Variants in TGM1 observed in about 807,000 individuals in gnomAD.
TGM1 encodes transglutaminase 1, also known as protein-glutamine gamma-glutamyltransferase K.
In TGM1, 63 loss-of-function variants were observed where a neutral mutation model predicts 88.7. The observed-to-expected ratio is 0.71, with a 90% CI of 0.58 to 0.88. The LOEUF (loss-of-function observed/expected upper bound fraction) is 0.88, where lower values mean the gene tolerates loss of function less well. TGM1 is among the 40% of genes least tolerant of loss of function. The pLI is 0.00. For missense variants in TGM1, 996 were observed against 1,118.0 expected (o/e 0.89, Z 1.56); for synonymous variants, 415 against 431.1 (o/e 0.96, Z 0.46).
At chr14:24,251,705 C>T (rs908174209) in intron 14 of TGM1, among the ~76,000 whole-genome samples, 1 of 152,230 alleles carries the variant, frequency 6.6e-6, no homozygotes, top group Non-Finnish European at 1.5e-5. Context: ...GACTCTTCTT[C>T]AGAGCCATTT....
intron 9 of TGM1, among the ~76,000 whole-genome samples, chr14:24,258,080 T>C (rs2040770789): frequency 6.6e-6 from 1 of 152,212 alleles, no homozygotes; most frequent in African/African-American, 2.4e-5. Flanking sequence ...TATAAATAAG[T>C]AAAATGTAGG....
At chr14:24,250,319 G>A (rs1039786863) in intron 14 of TGM1, among the ~76,000 whole-genome samples, 2 of 151,958 alleles carry the variant, frequency 1.3e-5, no homozygotes, top group Admixed American at 6.5e-5. Flanking sequence ...GTCCTCTAAC[G>A]GGACTCCTTG....
chr14:24,250,179 T>TGTGTCAGAGA (rs138497842), intron 14 of TGM1, among the ~76,000 whole-genome samples: 1 of 140,700 alleles, frequency 7.1e-6, no homozygotes, highest in African/African-American at 2.7e-5. Flanking sequence ...TGTGTGTGTG[T>TGTGTCAGAGA]GAGAGAGACA....
intron 13 of TGM1, 106 bp from the exon 14 acceptor site, chr14:24,254,394 C>A: frequency 2.0e-6 from 3 of 1,530,068 alleles, no homozygotes; most frequent in South Asian, 2.3e-5. Flanking sequence ...AAAACCTCCC[C>A]GAGTCCCACA....
chr14:24,259,225 C>G lies in TGM1; in HGVS notation c.1009G>C (p.Val337Leu). The change falls in exon 7 of 15, where the codon GTC becomes CTC. Residue 337 changes from valine to leucine, a missense_variant. Transcript: ENST00000206765. The surrounding 1 kb of genome is among the most constrained non-coding windows in gnomAD (Gnocchi z 5.7). Reference protein sequence around the residue: ...AMVNSLDDNGVLIGNWSGDYS... With the variant: ...AMVNSLDDNGLLIGNWSGDYS... ...TCACCAGACCAGTTCCCAATCAGGA[C>G]TCCATTGTCATCCAGGGAGTTCACC... 1 of 1,613,686 alleles carries G rather than the reference C, an allele frequency of 6.2e-7. No homozygotes were observed.
Position 24,258,715 on chromosome 14 carries a change from G to T in TGM1, c.1160-42C>A, listed in dbSNP as rs2040779701. ...GTTGGGGTTCAAGGCATGGGTTGGG[G>T]GCAAGTGAGGCATCGTGTCAGGAGT... On this transcript the variant is annotated intron_variant, in intron 7 of 14. Coordinates refer to ENST00000206765, the MANE Select transcript of TGM1 (RefSeq NM_000359.3). 4 of 1,610,042 alleles carry T rather than the reference G, an allele frequency of 2.5e-6. No homozygotes were observed. In the African/African-American group the frequency reaches 5.3e-5, roughly 22 times the overall value.
Position 24,255,332 on chromosome 14 carries a change from G to A in TGM1, c.1645+32C>T. Reference sequence around the variant, plus strand: ...ACTTGGCAGGAACACTTGTTGTGGGGCCCAGAGCTGGCTGGGTTGGGGGAA... The same window carrying A: ...ACTTGGCAGGAACACTTGTTGTGGGACCCAGAGCTGGCTGGGTTGGGGGAA... On this transcript the variant is annotated intron_variant, in intron 11 of 14. Coordinates refer to ENST00000206765, the MANE Select transcript of TGM1 (RefSeq NM_000359.3). This position sits in a 1 kb window ranked among gnomAD's most constrained non-coding sequence, Gnocchi z 4.0. 6 of 1,614,216 alleles carry A rather than the reference G, an allele frequency of 3.7e-6. No individual in the cohort carries two copies. In the African/African-American group the frequency reaches 5.3e-5, roughly 14 times the overall value.
chr14:24,261,687 C>T lies in TGM1; in HGVS notation c.508+8G>A. 1.2e-6 allele frequency: 2 copies of T among 1,614,048 alleles called. No homozygotes were observed. Among genetic ancestry groups the T allele is most frequent in the Non-Finnish European group, 1.7e-6 (2 of 1,179,972 alleles). On this transcript the variant is annotated splice_region_variant and intron_variant, in intron 3 of 14. Coordinates refer to ENST00000206765, the MANE Select transcript of TGM1 (RefSeq NM_000359.3). ...GCCTTCACCCGTCCCAATCCAAGCC[C>T]CACTGACCGATGAGTAACTCAAGGG...
Position 24,255,903 on chromosome 14 carries a change from T to C in TGM1, c.1491+86A>G. 2 of 1,147,092 alleles carry C rather than the reference T, an allele frequency of 1.7e-6. No homozygotes were observed. Among genetic ancestry groups the C allele is most frequent in the Non-Finnish European group, 2.6e-6 (2 of 778,690 alleles). 71.1% of individuals were successfully genotyped at this position (1,147,092 alleles called of 1,614,324 possible). A position where few individuals can be genotyped will look rare whatever the true frequency, so the allele number is the denominator to read the frequency against. On this transcript the variant is annotated intron_variant, in intron 10 of 14. Coordinates refer to ENST00000206765, the MANE Select transcript of TGM1 (RefSeq NM_000359.3). The surrounding 1 kb of genome is among the most constrained non-coding windows in gnomAD (Gnocchi z 4.0). Reference sequence around the variant, plus strand: ...TGTATAATGAGTGACTTGCCCCGGGTCGCAGAGCTGGTCAGTCAGCGGTGA... The same window carrying C: ...TGTATAATGAGTGACTTGCCCCGGGCCGCAGAGCTGGTCAGTCAGCGGTGA...
rs2040790181 is a variant in TGM1, at chr14:24,259,736, G to C, written c.952C>G (p.Pro318Ala). Residue 318 changes from proline to alanine, a missense_variant, in exon 6 of 15, where the codon CCA becomes GCA. Coordinates refer to ENST00000206765, the MANE Select transcript of TGM1 (RefSeq NM_000359.3). The surrounding 1 kb of genome is among the most constrained non-coding windows in gnomAD (Gnocchi z 5.7). ...RGMPYGGRGD[P>A]VNVSRVISAM... ...GAGATGACCCGGGAGACATTGACTG[G>C]GTCTCCACGGCCTCCATATGGCATC... 6.2e-7 allele frequency: 1 copy of C among 1,611,876 alleles called. No individual in the cohort carries two copies. The highest frequency in any genetic ancestry group is 8.5e-7 in the Non-Finnish European group (1 of 1,179,370).
rs34987032 is a variant in TGM1, at chr14:24,249,548, G to A, written c.2226-7C>T. The stretch of plus-strand genomic sequence containing the variant: ...TTCATTGCCTCCAATGTCCCTGTGG[G>A]CAGAGACAAGGTCATGGGCCTGGAG... On this transcript the variant is annotated splice_polypyrimidine_tract_variant and splice_region_variant and intron_variant, in intron 14 of 14. Coordinates refer to ENST00000206765, the MANE Select transcript of TGM1 (RefSeq NM_000359.3). The A allele has an allele frequency of 5.6e-6, 9 of 1,612,328 alleles. No homozygotes were observed. The Admixed American group carries it at 1.5e-4, about 27-fold the overall frequency.
Position 24,259,843 on chromosome 14 carries a change from G to A in TGM1, c.877-32C>T, listed in dbSNP as rs1274749106. 6.2e-7 allele frequency: 1 copy of A among 1,610,028 alleles called. No individual in the cohort carries two copies. The highest frequency in any genetic ancestry group is 8.5e-7 in the Non-Finnish European group (1 of 1,177,422). On this transcript the variant is annotated intron_variant, in intron 5 of 14. Coordinates refer to ENST00000206765, the MANE Select transcript of TGM1 (RefSeq NM_000359.3). This position sits in a 1 kb window ranked among gnomAD's most constrained non-coding sequence, Gnocchi z 5.7. The stretch of plus-strand genomic sequence containing the variant: ...GGAGGGATGGAGGGCAGAGGTGACA[G>A]CCTGAACCCTAGGCCAGCACCCTGC...
At chr14:24,256,907 C>T (rs1019477666) in intron 9 of TGM1, among the ~76,000 whole-genome samples, 2 of 152,204 alleles carry the variant, frequency 1.3e-5, no homozygotes, top group Admixed American at 1.3e-4. Flanking sequence ...CAGAATTTCT[C>T]ATTTAATCCT....
rs1039883908 is a variant in TGM1, at chr14:24,250,943, C to T, written c.2226-1402G>A. Among the ~76,000 whole-genome samples, 8 of 152,350 alleles carry T rather than the reference C, an allele frequency of 5.3e-5. No homozygotes were observed. In the South Asian group the frequency reaches 1.7e-3, roughly 32 times the overall value. On this transcript the variant is annotated intron_variant, in intron 14 of 14. Transcript: ENST00000206765. The stretch of plus-strand genomic sequence containing the variant: ...GTCCTCTAAGAGAATGAGCCAACAT[C>T]CCTAACTCCAAGGATGAGTTTTTTT...
Position 24,258,234 on chromosome 14 carries a change from A to C in TGM1, c.1402+51T>G, listed in dbSNP as rs1243555780. The C allele has an allele frequency of 2.1e-6, 3 of 1,461,362 alleles. No individual in the cohort carries two copies. The South Asian group carries it at 3.4e-5, about 17-fold the overall frequency. The allele number at this position is 1,461,362 out of a possible 1,614,324, so 90.5% of individuals were successfully genotyped here. ...ACTGACACTCTGGACTGTGTTAATC[A>C]GGTGGGGGAGATAAGCAGGGGCATG... On this transcript the variant is annotated intron_variant, in intron 9 of 14. Transcript: ENST00000206765.
rs201167101 is a variant in TGM1 at position 24,260,600 on chromosome 14, G to A, written c.607C>T (p.Gln203Ter). Reference protein sequence around the residue: ...WKAQVVKASGQNLNLRVHTSP... With the variant: ...WKAQVVKASG ...GTGTGGACCCGCAGGTTCAGATTCT[G>A]CCCACTGGCCTTGACCACCTGGGCT... is the stretch of plus-strand genomic sequence containing the variant. Residue 203 changes from glutamine to a stop codon, truncating the protein, a stop_gained, in exon 4 of 15, where the codon CAG (glutamine) becomes TAG (stop). Coordinates refer to ENST00000206765, the MANE Select transcript of TGM1 (RefSeq NM_000359.3). LOFTEE classifies it high-confidence loss of function. 1.2e-6 allele frequency: 2 copies of A among 1,614,202 alleles called. No individual in the cohort carries two copies. The highest frequency in any genetic ancestry group is 2.2e-5 in the East Asian group (1 of 44,880).
At chr14:24,251,311 G>C (rs1157010297) in intron 14 of TGM1, among the ~76,000 whole-genome samples, 2 of 152,218 alleles carry the variant, frequency 1.3e-5, no homozygotes, top group Admixed American at 6.5e-5. Flanking sequence ...ATAGATACAA[G>C]ATTCAAGGTT....
intron 2 of TGM1, 31 bp from the exon 3 acceptor site, chr14:24,261,914 C>T: frequency 6.2e-7 from 1 of 1,611,730 alleles, no homozygotes; most frequent in Non-Finnish European, 8.5e-7. Context: ...GTCAGTGAAG[C>T]CCCATGAGGA....
At chr14:24,254,069 G>C (rs2040722659) in intron 14 of TGM1, 83 bp downstream of exon 14, 1 of 1,545,262 alleles carries the variant, frequency 6.5e-7, no homozygotes, top group South Asian at 1.2e-5. Context: ...TGTCCAGACA[G>C]AGAGGGAGCA....
Sources: allele counts gnomAD v4.1 joint callset (sites outside exome capture counted in the v4.1 genomes callset), GRCh38; gene constraint gnomAD v4.1.1; non-coding constraint Gnocchi (gnomAD v3.1); transcripts MANE v1.5; gene names NCBI Gene and HGNC (gene_info 2026-07-23, HGNC 2026-07-21).